The following C9orf153 variants were observed in gnomAD, a reference collection of about 807,000 sequenced individuals.
C9orf153 encodes the protein chromosome 9 open reading frame 153.
Under a neutral mutation model 9.0 loss-of-function variants are expected in C9orf153, and 10 were observed. That is an observed-to-expected ratio of 1.11 (90% CI 0.69 to 1.89). C9orf153 has a LOEUF of 1.89. Among genes scored for constraint, C9orf153 ranks in the 40% most tolerant of loss-of-function variants. The pLI is 0.00. For synonymous variants in C9orf153, 35 were observed against 37.3 expected, an observed-to-expected ratio of 0.94 and a Z score of 0.23; for missense variants, 108 against 111.0, an observed-to-expected ratio of 0.97 and a Z score of 0.12.
intron 1 of C9orf153, among the ~76,000 whole-genome samples, chr9:86,250,028 C>T (rs1452189954): frequency 2.6e-5 from 4 of 151,918 alleles, no homozygotes; most frequent in East Asian, 3.9e-4. Flanking sequence ...GTGATGGAGC[C>T]GTGTGGATTA....
At chr9:86,248,827 C>A (rs911248036) in intron 1 of C9orf153, among the ~76,000 whole-genome samples, 2 of 152,144 alleles carry the variant, frequency 1.3e-5, no homozygotes, top group African/African-American at 4.8e-5. Flanking sequence ...CAAGGACCTT[C>A]TCTTAGCCCA....
chr9:86,248,966 A>G (rs1324355492), intron 1 of C9orf153, among the ~76,000 whole-genome samples: 1 of 152,206 alleles, frequency 6.6e-6, no homozygotes, highest in Non-Finnish European at 1.5e-5. Context: ...CGTCACAGCC[A>G]TCTGCCTGCC....
chr9:86,238,967 A>AAG (rs1170748927), intron 1 of C9orf153, among the ~76,000 whole-genome samples: 1 of 151,648 alleles, frequency 6.6e-6, no homozygotes, highest in Admixed American at 6.6e-5. Context: ...CTGTAAAAAA[A>AAG]AAAAACAAAC....
At chr9:86,255,501 T>G (rs1392572982) in intron 1 of C9orf153, among the ~76,000 whole-genome samples, 6 of 152,190 alleles carry the variant, frequency 3.9e-5, no homozygotes, top group African/African-American at 1.4e-4. Context: ...ACATTTACCA[T>G]GTATTCTTTC....
At chr9:86,226,104 T>C (rs1289318161) in intron 3 of C9orf153, among the ~76,000 whole-genome samples, 1 of 152,204 alleles carries the variant, frequency 6.6e-6, no homozygotes, top group Admixed American at 6.5e-5. Context: ...TTTACTTGTG[T>C]ACTTTGCGAA....
At chr9:86,239,130 G>C (rs1254794944) in intron 1 of C9orf153, among the ~76,000 whole-genome samples, 1 of 151,800 alleles carries the variant, frequency 6.6e-6, no homozygotes, top group Non-Finnish European at 1.5e-5. Flanking sequence ...GCGTGGCGGC[G>C]CATGCCTGTA....
chr9:86,245,933 TG>T (rs1206598531), intron 1 of C9orf153, among the ~76,000 whole-genome samples: 1 of 152,210 alleles, frequency 6.6e-6, no homozygotes, highest in African/African-American at 2.4e-5. Context: ...TGATGATACT[TG>T]GGCACTGGGT....
chr9:86,227,303 A>G lies in C9orf153; in HGVS notation c.242+552T>C, dbSNP rs1284425246. ...CCGAGATTACAGGCACATGCCACCA[A>G]GCTCAGCTAATTTTTATTTATTTAT... On this transcript the variant is annotated intron_variant, in intron 3 of 3. Coordinates refer to ENST00000339137, the MANE Select transcript of C9orf153 (RefSeq NM_001276366.4). 5 of 1,430,464 alleles carry G rather than the reference A, an allele frequency of 3.5e-6. No homozygotes were observed. The East Asian group carries it at 1.3e-4, about 38-fold the overall frequency. The allele number at this position is 1,430,464 out of a possible 1,614,324, so 88.6% of individuals were successfully genotyped here. A position where few individuals can be genotyped will look rare whatever the true frequency, so the allele number is the denominator to read the frequency against.
intron 1 of C9orf153, among the ~76,000 whole-genome samples, chr9:86,233,184 A>G (rs1246633955): frequency 1.3e-5 from 2 of 152,156 alleles, no homozygotes; most frequent in East Asian, 1.9e-4. Context: ...GCAAATATGT[A>G]AAATGTTTTC....
intron 1 of C9orf153, among the ~76,000 whole-genome samples, chr9:86,249,886 A>G (rs1587809707): frequency 6.6e-6 from 1 of 152,194 alleles, no homozygotes; most frequent in East Asian, 1.9e-4. Flanking sequence ...TGAAAAATCA[A>G]CTGACAAAAG....
chr9:86,236,943 A>G (rs1395850401), intron 1 of C9orf153, among the ~76,000 whole-genome samples: 1 of 151,414 alleles, frequency 6.6e-6, no homozygotes, highest in Non-Finnish European at 1.5e-5. Context: ...TCTAAATAAA[A>G]AAAAAAAAAA....
intron 1 of C9orf153, among the ~76,000 whole-genome samples, chr9:86,236,524 G>A (rs1250579591): frequency 1.3e-5 from 2 of 149,830 alleles, no homozygotes; most frequent in Admixed American, 1.3e-4. Flanking sequence ...ACTCCAGCCT[G>A]GGTGACAGGG....
chr9:86,229,606 T>C lies in C9orf153; in HGVS notation c.-3A>G, dbSNP rs1449190798. 6.2e-7 allele frequency: 1 copy of C among 1,608,276 alleles called. No individual in the cohort carries two copies. The highest frequency in any genetic ancestry group is 8.5e-7 in the Non-Finnish European group (1 of 1,176,154). On this transcript the variant is annotated 5_prime_UTR_variant, in exon 2 of 4. Coordinates refer to ENST00000339137, the MANE Select transcript of C9orf153 (RefSeq NM_001276366.4). ...CTGGTGTCTCCAGTGAGGAACATCG[T>C]GCTGGGATTTTATTCTCTAATTCCT...
intron 1 of C9orf153, among the ~76,000 whole-genome samples, chr9:86,231,433 G>A (rs971474260): frequency 3.9e-5 from 6 of 152,028 alleles, no homozygotes; most frequent in Admixed American, 6.6e-5. Flanking sequence ...ATGACTGGCA[G>A]CTGTGGTCAC....
Position 86,229,549 on chromosome 9 carries a change from G to T in C9orf153, c.55C>A (p.Pro19Thr). The change falls in exon 2 of 4, where the codon CCT (proline) becomes ACT (threonine). Residue 19 changes from proline (P) to threonine (T), a missense_variant. Coordinates refer to ENST00000339137, the MANE Select transcript of C9orf153 (RefSeq NM_001276366.4). ...TGTTAAGTACATACTGAACATTGAG[G>T]AAGGGTGGCTTCTCTATTGTCCTCA... ...PAEDNREATL[P>T]QCSLPELYAC... is the part of the protein sequence containing the mutation. 1 of 1,609,686 alleles carries T rather than the reference G, an allele frequency of 6.2e-7. No individual in the cohort carries two copies. Among genetic ancestry groups the T allele is most frequent in the South Asian group, 1.1e-5 (1 of 90,990 alleles).
At chr9:86,228,317 T>C (rs1424224309) in intron 2 of C9orf153, among the ~76,000 whole-genome samples, 8 of 152,172 alleles carry the variant, frequency 5.3e-5, no homozygotes, top group Non-Finnish European at 1.2e-4. Flanking sequence ...AACTAAGAAG[T>C]CTTGAAGATC....
chr9:86,235,527 C>T (rs557746038), intron 1 of C9orf153, among the ~76,000 whole-genome samples: 13 of 150,780 alleles, frequency 8.6e-5, no homozygotes, highest in African/African-American at 2.2e-4. Context: ...GAGGCCGAGG[C>T]GGGTGGATCA....
At chr9:86,232,513 T>C (rs1445169611) in intron 1 of C9orf153, among the ~76,000 whole-genome samples, 1 of 151,978 alleles carries the variant, frequency 6.6e-6, no homozygotes, top group East Asian at 1.9e-4. Flanking sequence ...TCATCGTTAC[T>C]CCCACAGATT....
At chr9:86,247,258 C>A (rs1184322715) in intron 1 of C9orf153, among the ~76,000 whole-genome samples, 1 of 151,704 alleles carries the variant, frequency 6.6e-6, no homozygotes, top group East Asian at 1.9e-4. Flanking sequence ...ACAGTGAATG[C>A]TCTCTGTCTT....
Sources: allele counts gnomAD v4.1 joint callset (sites outside exome capture counted in the v4.1 genomes callset), GRCh38; gene constraint gnomAD v4.1.1; transcripts MANE v1.5; gene names NCBI Gene and HGNC (gene_info 2026-07-23, HGNC 2026-07-21).